The following NKAIN2 variants were observed in gnomAD, a reference collection of about 807,000 sequenced individuals.
The protein encoded by NKAIN2 is sodium/potassium-transporting ATPase subunit beta-1-interacting protein 2.
A neutral mutation model predicts 32.6 loss-of-function variants in NKAIN2; 14 were observed. The observed-to-expected ratio is 0.43, with a 90% CI of 0.28 to 0.67. The LOEUF is 0.67. NKAIN2 is among the 30% of genes least tolerant of loss of function. NKAIN2 has a pLI of 0.17. For synonymous variants in NKAIN2, 80 were observed against 87.2 expected (o/e 0.92, Z 0.46); for missense variants, 198 against 258.3 (o/e 0.77, Z 1.60).
chr6:124,229,521 TAGATAGATAGATAGACAGAC>T (rs1176938453), intron 1 of NKAIN2, among the ~76,000 whole-genome samples: 95 of 149,234 alleles, frequency 6.4e-4, no homozygotes, highest in African/African-American at 2.3e-3. Context: ...GATAGATAGA[TAGATAGATAGATAGACAGAC>T]AGACAGACAG....
chr6:124,263,720 A>T (rs61265172), intron 1 of NKAIN2, among the ~76,000 whole-genome samples: 9 of 73,400 alleles, frequency 1.2e-4, no homozygotes, highest in Admixed American at 8.1e-4. Flanking sequence ...TTGTTTGTTT[A>T]ATTTAAACAG....
chr6:124,084,746 A>T (rs1002503919), intron 1 of NKAIN2, among the ~76,000 whole-genome samples: 1 of 152,044 alleles, frequency 6.6e-6, no homozygotes, highest in Admixed American at 6.6e-5. Context: ...TGAAGTCAAG[A>T]TCATTGTGCT....
intron 4 of NKAIN2, among the ~76,000 whole-genome samples, chr6:124,676,325 T>C (rs150777222): frequency 6.6e-6 from 1 of 152,194 alleles, no homozygotes; most frequent in African/African-American, 2.4e-5. Flanking sequence ...GTTCTGTATA[T>C]GTCTTTTAGC....
intron 1 of NKAIN2, among the ~76,000 whole-genome samples, chr6:124,183,428 GAT>G (rs1304079780): frequency 6.6e-6 from 1 of 151,906 alleles, no homozygotes; most frequent in African/African-American, 2.4e-5. Flanking sequence ...TAAATTATTA[GAT>G]AGAGTATAGT....
intron 1 of NKAIN2, among the ~76,000 whole-genome samples, chr6:123,902,945 A>G (rs1774674353): frequency 6.6e-6 from 1 of 152,240 alleles, no homozygotes; most frequent in Non-Finnish European, 1.5e-5. Context: ...TATTACTAAT[A>G]TAGTGTAATG....
intron 1 of NKAIN2, among the ~76,000 whole-genome samples, chr6:124,007,126 A>G (rs1780111079): frequency 6.6e-6 from 1 of 152,324 alleles, no homozygotes; most frequent in Non-Finnish European, 1.5e-5. Context: ...AGATCTGTAC[A>G]GCATGTTACT....
chr6:124,352,234 A>G (rs1290156847), intron 2 of NKAIN2, among the ~76,000 whole-genome samples: 1 of 152,202 alleles, frequency 6.6e-6, no homozygotes, highest in African/African-American at 2.4e-5. Context: ...TGCTTTCATA[A>G]AATTATTAAT....
At chr6:124,641,363 A>T (rs1432185352) in intron 3 of NKAIN2, among the ~76,000 whole-genome samples, 2 of 152,118 alleles carry the variant, frequency 1.3e-5, no homozygotes, top group Admixed American at 6.5e-5. Context: ...TAAGACTTGG[A>T]AAAAAGAAAT....
chr6:124,260,262 G>A (rs1794177650), intron 1 of NKAIN2, among the ~76,000 whole-genome samples: 1 of 152,176 alleles, frequency 6.6e-6, no homozygotes, highest in African/African-American at 2.4e-5. Context: ...TTACATCCTA[G>A]TGGGGAAGAT....
intron 1 of NKAIN2, among the ~76,000 whole-genome samples, chr6:123,846,620 A>C (rs1006402625): frequency 6.6e-6 from 1 of 152,234 alleles, no homozygotes; most frequent in Non-Finnish European, 1.5e-5. Context: ...GCAACATTGC[A>C]TCAAGTAAAA....
intron 4 of NKAIN2, among the ~76,000 whole-genome samples, chr6:124,779,450 T>C (rs1028746294): frequency 6.6e-6 from 1 of 152,048 alleles, no homozygotes; most frequent in Admixed American, 6.6e-5. Flanking sequence ...GTTCAAGATA[T>C]AAGATTGGAA....
chr6:123,908,045 G>C (rs944872979), intron 1 of NKAIN2, among the ~76,000 whole-genome samples: 26 of 152,132 alleles, frequency 1.7e-4, no homozygotes, highest in Admixed American at 1.3e-4. Context: ...GGTGTTTTAA[G>C]TGGCAATTAA....
chr6:124,734,407 T>C (rs1776839391), intron 4 of NKAIN2, among the ~76,000 whole-genome samples: 1 of 151,828 alleles, frequency 6.6e-6, no homozygotes, highest in Non-Finnish European at 1.5e-5. Context: ...AGTCATCTTT[T>C]TAAGTGTAGT....
intron 1 of NKAIN2, among the ~76,000 whole-genome samples, chr6:123,939,766 C>T (rs982441883): frequency 9.3e-5 from 14 of 151,324 alleles, no homozygotes; most frequent in African/African-American, 3.4e-4. Flanking sequence ...TGTGCTATTC[C>T]ATCTCCAGTT....
chr6:124,687,585 A>ATGG (rs1363593972), intron 4 of NKAIN2, among the ~76,000 whole-genome samples: 12 of 86 alleles, frequency 0.14, no homozygotes, highest in Admixed American at 0.38. Context: ...TATATTTATA[A>ATGG]TATAAATATA....
At chr6:124,125,070 G>T (rs1786091594) in intron 1 of NKAIN2, among the ~76,000 whole-genome samples, 1 of 152,154 alleles carries the variant, frequency 6.6e-6, no homozygotes, top group Non-Finnish European at 1.5e-5. Flanking sequence ...GATGAGTCTT[G>T]TTCTACCTGC....
Position 124,146,922 on chromosome 6 carries a change from C to T in NKAIN2, c.55-136083C>T, listed in dbSNP as rs535641115. On this transcript the variant is annotated intron_variant, in intron 1 of 6. Coordinates refer to ENST00000368417, the MANE Select transcript of NKAIN2 (RefSeq NM_001040214.3). ...GAAAGTAATGCTATTGGGGAGGAGG[C>T]GTGGAGGCTTCAAAGGCATGTTAGT... 1.5e-4 allele frequency among the ~76,000 whole-genome samples: 23 copies of T among 152,190 alleles called. 1 individual carries two copies. Among genetic ancestry groups the T allele is most frequent in the South Asian group, 4.1e-4 (2 of 4,822 alleles).
chr6:124,496,706 A>G (rs1457991648), intron 3 of NKAIN2, among the ~76,000 whole-genome samples: 2 of 152,158 alleles, frequency 1.3e-5, no homozygotes, highest in Non-Finnish European at 2.9e-5. Context: ...AACAAGAGAT[A>G]CTGCTTGAGG....
At chr6:123,995,065 G>A (rs1402156676) in intron 1 of NKAIN2, among the ~76,000 whole-genome samples, 1 of 152,154 alleles carries the variant, frequency 6.6e-6, no homozygotes, top group African/African-American at 2.4e-5. Context: ...AGGGAATTTG[G>A]TTAGTTCTAT....
Sources: gnomAD v4.1 joint callset for allele counts (sites outside exome capture counted in the v4.1 genomes callset) on GRCh38, gnomAD v4.1.1 for gene constraint, MANE v1.5 for transcripts, NCBI Gene and HGNC (gene_info 2026-07-23, HGNC 2026-07-21) for gene names.